TXNRD1: variants seen among roughly 807,000 people sequenced by gnomAD.
The protein encoded by TXNRD1 is thioredoxin reductase 1, cytoplasmic.
In TXNRD1, 57 loss-of-function variants were observed where a neutral mutation model predicts 80.3. That is an observed-to-expected ratio of 0.71 (90% CI 0.57 to 0.89). TXNRD1 has a LOEUF of 0.89. Ranked by LOEUF, TXNRD1 falls within the 40% of genes least tolerant of loss-of-function variation. The pLI, the probability that TXNRD1 is intolerant of heterozygous loss-of-function variation, is 0.00. For missense variants in TXNRD1, 730 were observed against 803.0 expected, an observed-to-expected ratio of 0.91 and a Z score of 1.10; for synonymous variants, 291 against 285.2, an observed-to-expected ratio of 1.02 and a Z score of -0.20.
At chr12:104,260,795 A>T (rs986988908) in intron 3 of TXNRD1, among the ~76,000 whole-genome samples, 4 of 152,252 alleles carry the variant, frequency 2.6e-5, no homozygotes, top group Non-Finnish European at 5.9e-5. Context: ...GGGAAAAATA[A>T]CCAAACGGAA....
rs377571018 is a variant in TXNRD1, at chr12:104,339,159, C to T, written c.1767C>T (p.His589=). 2.9e-5 allele frequency: 47 copies of T among 1,613,804 alleles called. 1 individual carries two copies. The highest frequency in any genetic ancestry group is 2.9e-4 in the East Asian group (13 of 44,896). Residue 589 remains histidine (H), a synonymous_variant, in exon 16 of 17, where the codon CAC becomes CAT. Transcript: ENST00000525566. ...CTTAGGAACGTGTTGTGGGCTTTCA[C>T]GTACTGGGTCCAAATGCTGGAGAAG... ...TKDNERVVGF[H]VLGPNAGEVT...
At chr12:104,232,166 G>A (rs2032638840) in intron 1 of TXNRD1, among the ~76,000 whole-genome samples, 1 of 152,154 alleles carries the variant, frequency 6.6e-6, no homozygotes, top group Non-Finnish European at 1.5e-5. Context: ...GACCTTTAAA[G>A]CCAAGCCCAG....
chr12:104,348,346 C>T lies in TXNRD1; in HGVS notation c.1882-7C>T, dbSNP rs955285466. On this transcript the variant is annotated splice_polypyrimidine_tract_variant and splice_region_variant and intron_variant, in intron 16 of 16. Coordinates refer to ENST00000525566, the MANE Select transcript of TXNRD1 (RefSeq NM_001093771.3). ...CTGAAGATGTTGTGCTTTCTCTTCC[C>T]CTGCAGGTATTCACAACATTGTCTG... is the stretch of plus-strand genomic sequence containing the variant. 6 of 1,613,758 alleles carry T rather than the reference C, an allele frequency of 3.7e-6. No individual in the cohort carries two copies. Among genetic ancestry groups the T allele is most frequent in the Non-Finnish European group, 5.1e-6 (6 of 1,179,790 alleles).
At chr12:104,309,939 T>G (rs2035069022) in intron 4 of TXNRD1, 1 of 1,536,182 alleles carries the variant, frequency 6.5e-7, no homozygotes, top group Non-Finnish European at 8.7e-7. Context: ...ATGCCCGCCA[T>G]GCTGCCAACA....
At chr12:104,229,211 C>T (rs1263505771) in intron 1 of TXNRD1, among the ~76,000 whole-genome samples, 1 of 136,242 alleles carries the variant, frequency 7.3e-6, no homozygotes, top group Non-Finnish European at 1.5e-5. Context: ...GTAGTGGTGT[C>T]ATCTTGGCTC....
intron 6 of TXNRD1, among the ~76,000 whole-genome samples, chr12:104,314,413 T>C (rs926154143): frequency 2.6e-5 from 4 of 152,184 alleles, no homozygotes; most frequent in African/African-American, 9.7e-5. Flanking sequence ...ATTTAATGTG[T>C]CAATCTGTGT....
intron 15 of TXNRD1, among the ~76,000 whole-genome samples, chr12:104,335,156 A>T (rs1226530427): frequency 6.7e-6 from 1 of 149,860 alleles, no homozygotes; most frequent in Non-Finnish European, 1.5e-5. Flanking sequence ...TAAACCCCCA[A>T]CTGTCCAGGT....
At position 104,304,950 on chromosome 12, in the gene TXNRD1, T is replaced by TAGC. The variant is rs1032608365; in HGVS notation, c.415-6338_415-6336dup. 1.9e-6 allele frequency: 3 copies of TAGC among 1,551,566 alleles called. No individual in the cohort carries two copies. The African/African-American group carries it at 4.2e-5, about 21-fold the overall frequency. The stretch of plus-strand genomic sequence containing the variant: ...TCCTCATACTAAAGATTTCTTAGTA[T>TAGC]AGCATCCTTTTTGTGTTTTTTTTCT... On this transcript the variant is annotated intron_variant, in intron 4 of 16. Coordinates refer to ENST00000525566, the MANE Select transcript of TXNRD1 (RefSeq NM_001093771.3).
intron 3 of TXNRD1, among the ~76,000 whole-genome samples, chr12:104,269,051 C>G (rs1023007986): frequency 1.3e-5 from 2 of 151,202 alleles, no homozygotes; most frequent in Admixed American, 6.6e-5. Flanking sequence ...ATTACAGGCG[C>G]CTGCCACCAT....
intron 4 of TXNRD1, chr12:104,304,822 T>G (rs750256191): frequency 1.2e-6 from 2 of 1,614,014 alleles, no homozygotes; most frequent in South Asian, 2.2e-5. Flanking sequence ...AGGGAAATGA[T>G]TCCAGTTGCC....
chr12:104,329,369 A>C (rs1762017529), intron 13 of TXNRD1, among the ~76,000 whole-genome samples: 2 of 151,962 alleles, frequency 1.3e-5, no homozygotes, highest in East Asian at 1.9e-4. Flanking sequence ...TAAGGGGTAC[A>C]GCTGGGCACA....
At chr12:104,326,239 G>T in intron 11 of TXNRD1, 108 bp from the exon 12 acceptor site, 1 of 730,006 alleles carries the variant, frequency 1.4e-6, no homozygotes, top group Non-Finnish European at 2.2e-6. Context: ...TTATTTCCAA[G>T]TTTGAAAAAT....
chr12:104,347,101 AAAT>A (rs1234964559), intron 16 of TXNRD1, among the ~76,000 whole-genome samples: 2 of 152,190 alleles, frequency 1.3e-5, no homozygotes, highest in South Asian at 2.1e-4. Context: ...TCAAAAATAA[AAAT>A]AATAATAAAA....
chr12:104,261,711 T>TA (rs1464361623), intron 3 of TXNRD1, among the ~76,000 whole-genome samples: 8 of 152,106 alleles, frequency 5.3e-5, no homozygotes, highest in South Asian at 2.1e-4. Flanking sequence ...GGACCAATGC[T>TA]AAAAAAATTC....
chr12:104,254,152 T>C (rs189088744), intron 2 of TXNRD1, among the ~76,000 whole-genome samples: 82 of 152,314 alleles, frequency 5.4e-4, no homozygotes, highest in Non-Finnish European at 9.0e-4. Context: ...AGTTTCCCCA[T>C]CTGTAAAATG....
At chr12:104,272,787 A>G (rs1474276761) in intron 3 of TXNRD1, among the ~76,000 whole-genome samples, 1 of 135,200 alleles carries the variant, frequency 7.4e-6, no homozygotes, top group Non-Finnish European at 1.7e-5. Context: ...GTGAGACTCC[A>G]CCTAAAAAAA....
rs529792862 is a variant in TXNRD1, at chr12:104,283,486, G to A, written c.305-5445G>A. On this transcript the variant is annotated intron_variant, in intron 3 of 16. Coordinates refer to ENST00000525566, the MANE Select transcript of TXNRD1 (RefSeq NM_001093771.3). ...AGGCTGGCCTCGCACTCCTGACCTC[G>A]TAATCCACCTGCCTCCGCCTCCCAA... 5.3e-5 allele frequency among the ~76,000 whole-genome samples: 8 copies of A among 151,890 alleles called. No individual in the cohort carries two copies. The South Asian group carries it at 8.3e-4, about 16-fold the overall frequency.
intron 1 of TXNRD1, among the ~76,000 whole-genome samples, chr12:104,240,107 G>A (rs1414467176): frequency 6.6e-6 from 1 of 152,170 alleles, no homozygotes; most frequent in African/African-American, 2.4e-5. Context: ...CATAAAATAA[G>A]TTTGAAAATG....
rs1258194469 is a variant in TXNRD1, at chr12:104,251,559, G to A, written c.124G>A (p.Glu42Lys). ...TCATCACCCTGGTAAAACTTTGCCA[G>A]AGAACCCAGCAGGATTCACCAGCAC... is the stretch of plus-strand genomic sequence containing the variant. ...KDHHPGKTLP[E>K]NPAGFTSTAT... Residue 42 changes from glutamate (E) to lysine (K), a missense_variant, in exon 2 of 17, where the codon GAG (glutamate) becomes AAG (lysine). Coordinates refer to ENST00000525566, the MANE Select transcript of TXNRD1 (RefSeq NM_001093771.3). 3 of 1,613,758 alleles carry A rather than the reference G, an allele frequency of 1.9e-6. No homozygotes were observed. The highest frequency in any genetic ancestry group is 2.2e-5 in the East Asian group (1 of 44,896).
Sources: gnomAD v4.1 joint callset for allele counts (sites outside exome capture counted in the v4.1 genomes callset) on GRCh38, gnomAD v4.1.1 for gene constraint, MANE v1.5 for transcripts, NCBI Gene and HGNC (gene_info 2026-07-23, HGNC 2026-07-21) for gene names.